Variants in CLYBL observed in about 807,000 individuals in gnomAD.
The protein encoded by CLYBL is citramalyl-CoA lyase, mitochondrial.
Under a neutral mutation model 38.9 loss-of-function variants are expected in CLYBL, and 31 were observed. That is an observed-to-expected ratio of 0.80 (90% CI 0.60 to 1.08). CLYBL has a LOEUF of 1.08. Among genes scored for constraint, CLYBL ranks in the 50% least tolerant of loss-of-function variants. CLYBL has a pLI of 0.00. For synonymous variants in CLYBL, 171 were observed against 158.6 expected (o/e 1.08, Z -0.59); for missense variants, 434 against 411.6 (o/e 1.05, Z -0.47).
chr13:99,864,102 T>C (rs2051679917), intron 4 of CLYBL, among the ~76,000 whole-genome samples: 1 of 152,156 alleles, frequency 6.6e-6, no homozygotes, highest in African/African-American at 2.4e-5. Context: ...TCCAGTGATT[T>C]AATTTTAAGC....
chr13:99,712,518 T>G (rs888738522), intron 1 of CLYBL, among the ~76,000 whole-genome samples: 6 of 129,166 alleles, frequency 4.6e-5, no homozygotes, highest in African/African-American at 7.9e-5. Flanking sequence ...TTTTTTTGAG[T>G]TTTTTTTTTG....
intron 2 of CLYBL, among the ~76,000 whole-genome samples, chr13:99,784,458 T>G (rs1408557776): frequency 7.0e-5 from 10 of 142,194 alleles, no homozygotes; most frequent in Non-Finnish European, 1.6e-4. Context: ...TCTTTTTTTT[T>G]TTTTTTTTTT....
chr13:99,777,523 G>A (rs2049545712), intron 2 of CLYBL, among the ~76,000 whole-genome samples: 1 of 130,330 alleles, frequency 7.7e-6, no homozygotes, highest in African/African-American at 2.9e-5. Context: ...ACAGAGTTTT[G>A]CTCTTGTTGC....
intron 7 of CLYBL, among the ~76,000 whole-genome samples, chr13:99,889,114 GTTT>G (rs2052423190): frequency 6.6e-6 from 1 of 152,206 alleles, no homozygotes; most frequent in Admixed American, 6.5e-5. Flanking sequence ...TACATGAAGT[GTTT>G]TTTATCTTTG....
intron 1 of CLYBL, among the ~76,000 whole-genome samples, chr13:99,646,616 C>G (rs536078210): frequency 4.6e-4 from 68 of 148,652 alleles, no homozygotes; most frequent in Non-Finnish European, 8.7e-4. Flanking sequence ...TGGGTTCAAG[C>G]AATTCTCTGC....
intron 2 of CLYBL, among the ~76,000 whole-genome samples, chr13:99,777,145 C>T (rs2049534618): frequency 1.3e-5 from 2 of 152,094 alleles, no homozygotes; most frequent in South Asian, 4.2e-4. Context: ...TCCCAAAGTG[C>T]TGGGATTACA....
chr13:99,704,457 C>T (rs1382920783), intron 1 of CLYBL, among the ~76,000 whole-genome samples: 1 of 152,110 alleles, frequency 6.6e-6, no homozygotes, highest in African/African-American at 2.4e-5. Flanking sequence ...TCCTGTAAAC[C>T]TAAATCATGA....
intron 1 of CLYBL, among the ~76,000 whole-genome samples, chr13:99,747,807 A>G (rs1433429183): frequency 2.0e-5 from 3 of 152,192 alleles, no homozygotes; most frequent in Non-Finnish European, 2.9e-5. Flanking sequence ...AGCGAGGGCC[A>G]GCGTGTGGTG....
At chr13:99,640,342 C>G (rs1412160692) in intron 1 of CLYBL, among the ~76,000 whole-genome samples, 1 of 152,122 alleles carries the variant, frequency 6.6e-6, no homozygotes, top group East Asian at 1.9e-4. Context: ...AAAATATTAT[C>G]TTTAATGTTT....
intron 2 of CLYBL, among the ~76,000 whole-genome samples, chr13:99,776,309 A>T (rs1368856005): frequency 6.6e-6 from 1 of 151,846 alleles, no homozygotes; most frequent in Non-Finnish European, 1.5e-5. Flanking sequence ...AGCCTGGGCA[A>T]CATGGCAAAA....
intron 1 of CLYBL, among the ~76,000 whole-genome samples, chr13:99,677,027 C>CT (rs1410491830): frequency 6.6e-6 from 1 of 151,592 alleles, no homozygotes; most frequent in East Asian, 1.9e-4. Flanking sequence ...AAATTGTCCC[C>CT]TTTTTTTCCC....
intron 1 of CLYBL, among the ~76,000 whole-genome samples, chr13:99,617,337 A>G (rs1446093987): frequency 6.6e-6 from 1 of 151,988 alleles, no homozygotes; most frequent in Non-Finnish European, 1.5e-5. Context: ...TTTAAAGTTT[A>G]TATGGTCATT....
At chr13:99,638,254 A>C (rs2047050123) in intron 1 of CLYBL, among the ~76,000 whole-genome samples, 2 of 152,226 alleles carry the variant, frequency 1.3e-5, no homozygotes, top group Admixed American at 6.5e-5. Flanking sequence ...CACTGTGCCC[A>C]GCTTAATGAT....
In CLYBL at chr13:99,794,439, G is replaced by A. The variant is rs532191688; in HGVS notation, c.249+21429G>A. On this transcript the variant is annotated intron_variant, in intron 2 of 8. Transcript: ENST00000339105. ...CCATCTCAAGAAAAAAGATTCAAGT[G>A]TATATAACCACTGCCAAAATAAAGA... 2.4e-4 allele frequency among the ~76,000 whole-genome samples: 37 copies of A among 152,116 alleles called. No individual in the cohort carries two copies. The South Asian group carries it at 7.3e-3, about 30-fold the overall frequency.
intron 2 of CLYBL, among the ~76,000 whole-genome samples, chr13:99,804,842 G>T (rs1396051041): frequency 2.0e-5 from 3 of 152,090 alleles, no homozygotes; most frequent in African/African-American, 7.2e-5. Flanking sequence ...TCACATTGTT[G>T]TATAATCATC....
At chr13:99,668,207 G>C (rs2047510951) in intron 1 of CLYBL, among the ~76,000 whole-genome samples, 1 of 152,048 alleles carries the variant, frequency 6.6e-6, no homozygotes, top group Non-Finnish European at 1.5e-5. Flanking sequence ...CCAGGAGGCA[G>C]AGGTTGCAGT....
intron 1 of CLYBL, among the ~76,000 whole-genome samples, chr13:99,622,554 G>T (rs1277058520): frequency 6.6e-6 from 1 of 152,130 alleles, no homozygotes; most frequent in Admixed American, 6.5e-5. Flanking sequence ...TACATGTATG[G>T]GTGCCCCTCC....
chr13:99,863,726 G>A (rs538507961), intron 4 of CLYBL, among the ~76,000 whole-genome samples: 2 of 152,188 alleles, frequency 1.3e-5, no homozygotes, highest in Admixed American at 6.5e-5. Flanking sequence ...TTTATCAGGG[G>A]GCATTTATAT....
chr13:99,705,776 T>A (rs1289940576), intron 1 of CLYBL, among the ~76,000 whole-genome samples: 1 of 151,982 alleles, frequency 6.6e-6, no homozygotes, highest in Non-Finnish European at 1.5e-5. Context: ...GGAATTGGTG[T>A]TAGTGGGCTT....
Sources: allele counts gnomAD v4.1 joint callset (sites outside exome capture counted in the v4.1 genomes callset), GRCh38; gene constraint gnomAD v4.1.1; transcripts MANE v1.5; gene names NCBI Gene and HGNC (gene_info 2026-07-23, HGNC 2026-07-21).